Variants in PCDH9 observed in about 807,000 individuals in gnomAD.
PCDH9 encodes protocadherin 9.
A neutral mutation model predicts 70.6 loss-of-function variants in PCDH9; 24 were observed. The observed-to-expected ratio is 0.34, with a 90% CI of 0.25 to 0.48. The LOEUF (loss-of-function observed/expected upper bound fraction) is 0.48. PCDH9 is among the 20% of genes least tolerant of loss of function. The probability of loss-of-function intolerance (pLI) is 0.99; values close to 1 mark genes in which losing one functional copy is unlikely to be tolerated. For synonymous variants in PCDH9, 562 were observed against 558.5 expected, an observed-to-expected ratio of 1.01 and a Z score of -0.09; for missense variants, 1,281 against 1,503.6, an observed-to-expected ratio of 0.85 and a Z score of 2.45.
At chr13:67,093,609 A>T (rs1329580053) in intron 2 of PCDH9, among the ~76,000 whole-genome samples, 3 of 150,074 alleles carry the variant, frequency 2.0e-5, no homozygotes, top group African/African-American at 7.4e-5. Context: ...TATTATACAC[A>T]TGTTTCTCAT....
intron 3 of PCDH9, among the ~76,000 whole-genome samples, chr13:66,719,667 T>A (rs1370197769): frequency 6.6e-6 from 1 of 152,162 alleles, no homozygotes; most frequent in Non-Finnish European, 1.5e-5. Context: ...TGATAATTGC[T>A]CAACATGGTG....
intron 2 of PCDH9, among the ~76,000 whole-genome samples, chr13:67,173,444 C>A (rs1171753932): frequency 6.6e-6 from 1 of 152,076 alleles, no homozygotes; most frequent in Non-Finnish European, 1.5e-5. Flanking sequence ...TTTCCAACTA[C>A]AACCCTGATT....
At chr13:66,548,317 C>A (rs1961310496) in intron 4 of PCDH9, among the ~76,000 whole-genome samples, 1 of 152,076 alleles carries the variant, frequency 6.6e-6, no homozygotes, top group Non-Finnish European at 1.5e-5. Flanking sequence ...GTAATCCCAG[C>A]ACTTTGGGAG....
intron 2 of PCDH9, among the ~76,000 whole-genome samples, chr13:67,144,126 G>A (rs960224011): frequency 2.6e-5 from 4 of 152,138 alleles, no homozygotes; most frequent in Non-Finnish European, 4.4e-5. Flanking sequence ...AATGCAAATA[G>A]GACTATCTTT....
At chr13:66,311,811 A>G (rs913173762) in intron 4 of PCDH9, among the ~76,000 whole-genome samples, 1 of 152,160 alleles carries the variant, frequency 6.6e-6, no homozygotes, top group Non-Finnish European at 1.5e-5. Context: ...CTCCGCTCTT[A>G]TTATACAGAA....
chr13:66,506,368 A>G (rs988960842), intron 4 of PCDH9, among the ~76,000 whole-genome samples: 4 of 152,206 alleles, frequency 2.6e-5, no homozygotes, highest in Non-Finnish European at 5.9e-5. Flanking sequence ...GCGGCAAACT[A>G]CTGTTATTTC....
intron 2 of PCDH9, among the ~76,000 whole-genome samples, chr13:67,071,008 T>C (rs891368935): frequency 9.2e-5 from 14 of 152,104 alleles, no homozygotes; most frequent in African/African-American, 3.1e-4. Context: ...GAGGCAATAA[T>C]CTGAACACTC....
At chr13:66,335,300 G>C (rs1370789365) in intron 4 of PCDH9, among the ~76,000 whole-genome samples, 1 of 151,998 alleles carries the variant, frequency 6.6e-6, no homozygotes, top group Non-Finnish European at 1.5e-5. Flanking sequence ...TTTGAGAATT[G>C]TGTCCTCTCC....
chr13:66,380,734 G>C (rs1045492824), intron 4 of PCDH9, among the ~76,000 whole-genome samples: 1 of 151,872 alleles, frequency 6.6e-6, no homozygotes, highest in South Asian at 2.1e-4. Flanking sequence ...TAGTGGAGAC[G>C]GGGTTTCACC....
intron 4 of PCDH9, among the ~76,000 whole-genome samples, chr13:66,531,968 A>G (rs897273868): frequency 6.6e-6 from 1 of 151,964 alleles, no homozygotes; most frequent in Non-Finnish European, 1.5e-5. Flanking sequence ...ATTCTAAGAC[A>G]TTATTTGTGT....
intron 2 of PCDH9, among the ~76,000 whole-genome samples, chr13:66,970,387 G>T (rs1345404547): frequency 6.6e-6 from 1 of 151,754 alleles, no homozygotes; most frequent in Non-Finnish European, 1.5e-5. Flanking sequence ...TCAGAACTCT[G>T]GGGGGCCAAG....
At chr13:66,466,332 C>T (rs1215593847) in intron 4 of PCDH9, among the ~76,000 whole-genome samples, 1 of 152,010 alleles carries the variant, frequency 6.6e-6, no homozygotes, top group Non-Finnish European at 1.5e-5. Flanking sequence ...TCCTTCACAC[C>T]TCTCACTTCT....
chr13:66,767,230 T>C (rs1404442555), intron 3 of PCDH9, among the ~76,000 whole-genome samples: 1 of 151,968 alleles, frequency 6.6e-6, no homozygotes, highest in African/African-American at 2.4e-5. Flanking sequence ...GGGGAGATGG[T>C]CTCACAAAAA....
At chr13:67,170,700 G>A (rs897165804) in intron 2 of PCDH9, among the ~76,000 whole-genome samples, 9 of 152,096 alleles carry the variant, frequency 5.9e-5, no homozygotes, top group East Asian at 3.8e-4. Flanking sequence ...CGAGGCCGGC[G>A]GAATGCTTGA....
intron 2 of PCDH9, among the ~76,000 whole-genome samples, chr13:67,032,908 T>G (rs1426460420): frequency 6.6e-6 from 1 of 152,208 alleles, no homozygotes; most frequent in Non-Finnish European, 1.5e-5. Context: ...TTTCACAGTT[T>G]GCAAAATCTG....
chr13:66,976,772 A>T (rs1240512575), intron 2 of PCDH9, among the ~76,000 whole-genome samples: 1 of 152,124 alleles, frequency 6.6e-6, no homozygotes, highest in African/African-American at 2.4e-5. Flanking sequence ...ATTACACTTT[A>T]TCTGTAATCA....
At chr13:66,387,414 C>T (rs1172324438) in intron 4 of PCDH9, among the ~76,000 whole-genome samples, 1 of 151,988 alleles carries the variant, frequency 6.6e-6, no homozygotes, top group Non-Finnish European at 1.5e-5. Context: ...GAAACTTGGT[C>T]CCCATTGTTG....
intron 4 of PCDH9, among the ~76,000 whole-genome samples, chr13:66,428,907 A>C (rs764656071): frequency 1.8e-4 from 28 of 151,834 alleles, no homozygotes; most frequent in Non-Finnish European, 3.7e-4. Context: ...TAAAAATATA[A>C]ATCTATAAGT....
At chr13:66,943,386 A>G (rs993001303) in intron 2 of PCDH9, among the ~76,000 whole-genome samples, 1 of 151,996 alleles carries the variant, frequency 6.6e-6, no homozygotes, top group African/African-American at 2.4e-5. Context: ...TCTCATTGGA[A>G]TTTTCACCCT....
Sources: gnomAD v4.1 joint callset for allele counts (sites outside exome capture counted in the v4.1 genomes callset) on GRCh38, gnomAD v4.1.1 for gene constraint, MANE v1.5 for transcripts, NCBI Gene and HGNC (gene_info 2026-07-23, HGNC 2026-07-21) for gene names.